ATL2: variants seen among roughly 807,000 people sequenced by gnomAD.
ATL2 encodes the protein atlastin-2.
Under a neutral mutation model 73.9 loss-of-function variants are expected in ATL2, and 31 were observed. That is an observed-to-expected ratio of 0.42 (90% CI 0.32 to 0.57). ATL2 has a LOEUF of 0.57. Ranked by LOEUF, ATL2 falls within the 20% of genes least tolerant of loss-of-function variation. The pLI is 0.14. For missense variants in ATL2, 738 were observed against 702.6 expected (o/e 1.05, Z -0.57); for synonymous variants, 291 against 237.5 (o/e 1.23, Z -2.07).
chr2:38,369,628 G>A (rs977676538), intron 1 of ATL2, among the ~76,000 whole-genome samples: 9 of 151,474 alleles, frequency 5.9e-5, no homozygotes, highest in Non-Finnish European at 1.2e-4. Context: ...GCACACACCT[G>A]TAAGTCCCAG....
Position 38,298,239 on chromosome 2 carries a change from T to C in ATL2, c.1537A>G (p.Ile513Val). The C allele has an allele frequency of 1.9e-6, 3 of 1,614,132 alleles. No homozygotes were observed. The highest frequency in any genetic ancestry group is 2.7e-5 in the African/African-American group (2 of 75,042). Residue 513 changes from isoleucine to valine, a missense_variant, in exon 12 of 13, where the codon ATA becomes GTA. By Grantham distance (29) the Ile-to-Val change is conservative. Transcript: ENST00000378954. ...ACATATGCCCAAGTACAAAGAAATA[T>C]CAGTGCTAACCCCATGACAAGGTTA... The part of the protein sequence containing the change: ...LCNLVMGLAL[I>V]FLCTWAYVKY...
At chr2:38,377,725 C>G (rs1276874254), upstream of ATL2, among the ~76,000 whole-genome samples, 5 of 152,172 alleles carry the variant, frequency 3.3e-5, no homozygotes, top group Non-Finnish European at 7.4e-5. Context: ...CCCCTTCTCT[C>G]CTTTTCATCG....
chr2:38,305,296 AGGCAGGTGGACCACTTGAG>A (rs962229607), intron 9 of ATL2, among the ~76,000 whole-genome samples: 7 of 152,214 alleles, frequency 4.6e-5, no homozygotes, highest in Non-Finnish European at 8.8e-5. Flanking sequence ...TGGGAGGCCA[AGGCAGGTGGACCACTTGAG>A]GGCAGGTGGA....
Position 38,299,354 on chromosome 2 carries a change from T to C in ATL2, c.1129-27A>G, listed in dbSNP as rs1487501524. 2.0e-6 allele frequency: 3 copies of C among 1,519,302 alleles called. 1 individual carries two copies. The highest frequency in any genetic ancestry group is 3.5e-4 in the Middle Eastern group (2 of 5,738). The allele number at this position is 1,519,302 out of a possible 1,614,324, so 94.1% of individuals were successfully genotyped here. On this transcript the variant is annotated intron_variant, in intron 10 of 12. Coordinates refer to ENST00000378954, the MANE Select transcript of ATL2 (RefSeq NM_001135673.4). Reference sequence around the variant, plus strand: ...TAAAAAATAAAATATGCCATTATTATGCAAAAAATACTCTATGACTCTAAA... The same window carrying C: ...TAAAAAATAAAATATGCCATTATTACGCAAAAAATACTCTATGACTCTAAA...
chr2:38,350,314 A>G (rs1670264856), intron 1 of ATL2, among the ~76,000 whole-genome samples: 1 of 152,234 alleles, frequency 6.6e-6, no homozygotes, highest in Non-Finnish European at 1.5e-5. Flanking sequence ...AGACACCTAA[A>G]GATGATCACC....
chr2:38,367,238 G>A (rs546813346), intron 1 of ATL2, among the ~76,000 whole-genome samples: 2 of 151,926 alleles, frequency 1.3e-5, no homozygotes, highest in East Asian at 3.9e-4. Context: ...CTTCTACCAC[G>A]CTACTAGGCA....
At chr2:38,334,907 A>AT (rs1669249039) in intron 2 of ATL2, among the ~76,000 whole-genome samples, 1 of 139,030 alleles carries the variant, frequency 7.2e-6, no homozygotes, top group Non-Finnish European at 1.5e-5. Flanking sequence ...TATTATTTAT[A>AT]ATATATAAAT....
At chr2:38,298,039 G>C (rs550016700) in intron 12 of ATL2, 105 bp downstream of exon 12, 2 of 1,026,148 alleles carry the variant, frequency 1.9e-6, no homozygotes, top group East Asian at 2.5e-5. Context: ...ACATCCTTTT[G>C]ACATTCCTCA....
chr2:38,319,980 T>A (rs1023054469), intron 2 of ATL2, among the ~76,000 whole-genome samples: 9 of 152,028 alleles, frequency 5.9e-5, no homozygotes, highest in Non-Finnish European at 1.3e-4. Context: ...TTGTGGCATA[T>A]GCCTATAATC....
intron 1 of ATL2, among the ~76,000 whole-genome samples, chr2:38,353,915 G>T (rs1229877777): frequency 4.6e-5 from 7 of 152,096 alleles, no homozygotes; most frequent in Non-Finnish European, 1.0e-4. Flanking sequence ...AAGTATGGCC[G>T]GGTGCGGTGG....
At chr2:38,306,072 A>C (rs1331400653) in intron 9 of ATL2, among the ~76,000 whole-genome samples, 2 of 152,240 alleles carry the variant, frequency 1.3e-5, no homozygotes, top group Admixed American at 1.3e-4. Context: ...ATTGCAACTG[A>C]TACCACAGAA....
chr2:38,353,708 T>C (rs1558443181), intron 1 of ATL2, among the ~76,000 whole-genome samples: 1 of 152,234 alleles, frequency 6.6e-6, no homozygotes, highest in Non-Finnish European at 1.5e-5. Context: ...TGTATAGTTA[T>C]GTAATAATTA....
At chr2:38,330,421 C>G (rs1011468965) in intron 2 of ATL2, among the ~76,000 whole-genome samples, 5 of 152,084 alleles carry the variant, frequency 3.3e-5, no homozygotes, top group Non-Finnish European at 7.4e-5. Context: ...TCAGCCAAGA[C>G]ACAGAAATAA....
Position 38,296,759 on chromosome 2 carries a change from C to G in ATL2, c.1633-646G>C. On this transcript the variant is annotated intron_variant, in intron 12 of 12. Transcript: ENST00000378954. Reference sequence around the variant, plus strand: ...TTAGACAAGGTTTGTTGACACAGCACAGATCTCTGACTAGCTGATTACCTT... The same window carrying G: ...TTAGACAAGGTTTGTTGACACAGCAGAGATCTCTGACTAGCTGATTACCTT... 4 of 1,550,394 alleles carry G rather than the reference C, an allele frequency of 2.6e-6. No individual in the cohort carries two copies. In the South Asian group the frequency reaches 4.8e-5, roughly 18 times the overall value.
chr2:38,329,580 G>A (rs1170134522), intron 2 of ATL2, among the ~76,000 whole-genome samples: 1 of 151,850 alleles, frequency 6.6e-6, no homozygotes, highest in East Asian at 1.9e-4. Context: ...TAAGCAGAGG[G>A]AATACTTCCT....
intron 2 of ATL2, among the ~76,000 whole-genome samples, chr2:38,339,410 A>C (rs562593408): frequency 1.0e-3 from 157 of 152,304 alleles, no homozygotes; most frequent in African/African-American, 3.7e-3. Context: ...TGTACCAATC[A>C]ATATTGGTTT....
intron 1 of ATL2, among the ~76,000 whole-genome samples, chr2:38,351,245 A>G (rs1432973591): frequency 3.3e-5 from 5 of 152,106 alleles, no homozygotes; most frequent in Non-Finnish European, 7.4e-5. Context: ...TGAAAACAGT[A>G]TCTAAGTATT....
At chr2:38,319,363 C>T (rs898413351) in intron 2 of ATL2, among the ~76,000 whole-genome samples, 5 of 152,098 alleles carry the variant, frequency 3.3e-5, no homozygotes, top group Non-Finnish European at 7.4e-5. Flanking sequence ...CTTTGGGAGG[C>T]TGAAGTGGGC....
chr2:38,347,758 T>A (rs1670107727), intron 1 of ATL2, among the ~76,000 whole-genome samples: 1 of 149,916 alleles, frequency 6.7e-6, no homozygotes, highest in South Asian at 2.1e-4. Context: ...GTCTTACATC[T>A]GCCCTTACCT....
Sources: allele counts gnomAD v4.1 joint callset (sites outside exome capture counted in the v4.1 genomes callset), GRCh38; gene constraint gnomAD v4.1.1; transcripts MANE v1.5; gene names NCBI Gene and HGNC (gene_info 2026-07-23, HGNC 2026-07-21).